SLC16A7: variants seen among roughly 807,000 people sequenced by gnomAD.
The protein encoded by SLC16A7 is monocarboxylate transporter 2.
In SLC16A7, 33 loss-of-function variants were observed where a neutral mutation model predicts 34.9. That is an observed-to-expected ratio of 0.94 (90% CI 0.72 to 1.26). The LOEUF (loss-of-function observed/expected upper bound fraction) is 1.26, where lower values mean the gene tolerates loss of function less well. Among genes scored for constraint, SLC16A7 ranks in the 50% most tolerant of loss-of-function variants. SLC16A7 has a pLI of 0.00. For missense variants in SLC16A7, 573 were observed against 578.1 expected (o/e 0.99, Z 0.09); for synonymous variants, 201 against 206.6 (o/e 0.97, Z 0.23).
intron 2 of SLC16A7, among the ~76,000 whole-genome samples, chr12:59,703,366 C>T (rs1336343400): frequency 6.6e-6 from 1 of 151,926 alleles, no homozygotes; most frequent in Non-Finnish European, 1.5e-5. Flanking sequence ...GTGCATTTAT[C>T]ATTTATACCT....
chr12:59,634,888 A>T (rs1213123522), intron 1 of SLC16A7, among the ~76,000 whole-genome samples: 9 of 152,086 alleles, frequency 5.9e-5, no homozygotes, highest in African/African-American at 2.2e-4. Flanking sequence ...TATAAATTAT[A>T]TTGAAAAAAG....
intron 2 of SLC16A7, among the ~76,000 whole-genome samples, chr12:59,702,848 A>G (rs978375196): frequency 1.3e-5 from 2 of 151,964 alleles, no homozygotes; most frequent in Admixed American, 6.6e-5. Context: ...TCTTATTTCT[A>G]ATTCTATTTA....
At chr12:59,748,213 A>G (rs184915758) in intron 3 of SLC16A7, among the ~76,000 whole-genome samples, 16 of 152,334 alleles carry the variant, frequency 1.1e-4, no homozygotes, top group Non-Finnish European at 2.1e-4. Context: ...CTACAAATCT[A>G]TTATAAAAAG....
intron 3 of SLC16A7, among the ~76,000 whole-genome samples, chr12:59,740,884 T>C (rs1878245231): frequency 6.6e-6 from 1 of 152,070 alleles, no homozygotes; most frequent in Non-Finnish European, 1.5e-5. Flanking sequence ...AAAATCAATG[T>C]ACAAAAATCA....
chr12:59,614,689 A>G (rs992872888), intron 1 of SLC16A7, among the ~76,000 whole-genome samples: 2 of 151,570 alleles, frequency 1.3e-5, no homozygotes, highest in Non-Finnish European at 2.9e-5. Context: ...AGGCCCTTAT[A>G]TAAATGAGGA....
At chr12:59,764,418 G>C (rs1440262338) in intron 3 of SLC16A7, among the ~76,000 whole-genome samples, 1 of 151,980 alleles carries the variant, frequency 6.6e-6, no homozygotes, top group Non-Finnish European at 1.5e-5. Context: ...TGCCATGTTG[G>C]TGTGCTGCGC....
intron 3 of SLC16A7, among the ~76,000 whole-genome samples, chr12:59,737,656 T>C (rs1333357117): frequency 6.6e-6 from 1 of 152,188 alleles, no homozygotes; most frequent in African/African-American, 2.4e-5. Context: ...TTGAAAAGAC[T>C]GGACTTTTGG....
chr12:59,678,121 G>A (rs902843721), intron 2 of SLC16A7, among the ~76,000 whole-genome samples: 1 of 152,202 alleles, frequency 6.6e-6, no homozygotes, highest in South Asian at 2.1e-4. Flanking sequence ...TGAGGTCACA[G>A]CCCTGGCTCA....
In SLC16A7 at chr12:59,639,730, A is replaced by G. The variant is rs201600090; in HGVS notation, c.-129-15422A>G. On this transcript the variant is annotated intron_variant, in intron 1 of 5. Transcript: ENST00000547379. ...ATGCACACAACCCTTCCGACACCAA[A>G]TATATGATAATTTTTCCCTTGCCAA... is the stretch of plus-strand genomic sequence containing the variant. 3.9e-5 allele frequency among the ~76,000 whole-genome samples: 6 copies of G among 152,106 alleles called. No homozygotes were observed. In the East Asian group the frequency reaches 1.2e-3, roughly 29 times the overall value.
At chr12:59,671,850 T>TATGTGA (rs1406029881) in intron 2 of SLC16A7, among the ~76,000 whole-genome samples, 47 of 114,026 alleles carry the variant, frequency 4.1e-4, no homozygotes, top group African/African-American at 1.5e-3. Context: ...TATGTGTATA[T>TATGTGA]ATATGTGTAT....
intron 2 of SLC16A7, among the ~76,000 whole-genome samples, chr12:59,699,187 A>C (rs1288633085): frequency 6.6e-6 from 1 of 151,562 alleles, no homozygotes; most frequent in Non-Finnish European, 1.5e-5. Context: ...TTAAGTGAAA[A>C]TTTATTTTAA....
intron 2 of SLC16A7, among the ~76,000 whole-genome samples, chr12:59,679,505 C>A (rs1240406419): frequency 6.6e-6 from 1 of 152,176 alleles, no homozygotes; most frequent in African/African-American, 2.4e-5. Context: ...TGAGTGCAAC[C>A]TTAACTCTTC....
intron 3 of SLC16A7, among the ~76,000 whole-genome samples, chr12:59,722,942 C>T (rs1470463984): frequency 6.6e-6 from 1 of 151,860 alleles, no homozygotes; most frequent in Admixed American, 6.6e-5. Flanking sequence ...TGAAGCTAGT[C>T]TGAGAAAGGA....
intron 3 of SLC16A7, among the ~76,000 whole-genome samples, chr12:59,708,594 A>G (rs1316557257): frequency 6.6e-6 from 1 of 152,154 alleles, no homozygotes; most frequent in East Asian, 1.9e-4. Context: ...TCTGTTCAAC[A>G]CAATGCTAAT....
intron 1 of SLC16A7, among the ~76,000 whole-genome samples, chr12:59,639,032 T>C (rs1445333054): frequency 6.6e-6 from 1 of 152,144 alleles, no homozygotes; most frequent in East Asian, 1.9e-4. Context: ...TGGTTATATT[T>C]TTTCAAAGTT....
chr12:59,640,941 C>T (rs906364149), intron 1 of SLC16A7, among the ~76,000 whole-genome samples: 1 of 151,914 alleles, frequency 6.6e-6, no homozygotes, highest in African/African-American at 2.4e-5. Flanking sequence ...GGTCAAATTG[C>T]ATGCTTAGAA....
At position 59,765,367 on chromosome 12, in the gene SLC16A7, T is replaced by G. The variant is rs896783336; in HGVS notation, c.218-5852T>G. Reference sequence around the variant, plus strand: ...TCTCATTTGTCAATTTTGGCTTTTGTTGCCGTTGCTTTTGGTGTTTTACAC... The same window carrying G: ...TCTCATTTGTCAATTTTGGCTTTTGGTGCCGTTGCTTTTGGTGTTTTACAC... On this transcript the variant is annotated intron_variant, in intron 3 of 5. Transcript: ENST00000547379. Among the ~76,000 whole-genome samples, 10 of 152,248 alleles carry G rather than the reference T, an allele frequency of 6.6e-5. 1 individual carries two copies. The highest frequency in any genetic ancestry group is 6.5e-4 in the Admixed American group (10 of 15,286).
At chr12:59,700,196 T>C (rs1174552320) in intron 2 of SLC16A7, among the ~76,000 whole-genome samples, 1 of 151,744 alleles carries the variant, frequency 6.6e-6, no homozygotes, top group East Asian at 1.9e-4. Flanking sequence ...GATTGGTTGA[T>C]GAAAATGTGA....
At chr12:59,612,033 G>A (rs1879218234) in intron 1 of SLC16A7, among the ~76,000 whole-genome samples, 1 of 152,180 alleles carries the variant, frequency 6.6e-6, no homozygotes, top group South Asian at 2.1e-4. Context: ...CTAGGGTCTG[G>A]AGGATGGTGG....
Sources: allele counts gnomAD v4.1 joint callset (sites outside exome capture counted in the v4.1 genomes callset), GRCh38; gene constraint gnomAD v4.1.1; transcripts MANE v1.5; gene names NCBI Gene and HGNC (gene_info 2026-07-23, HGNC 2026-07-21).